The following TENM2 variants were observed in gnomAD, a reference collection of about 807,000 sequenced individuals.
TENM2 encodes the protein teneurin-2.
In TENM2, 52 loss-of-function variants were observed where a neutral mutation model predicts 245.2. That is an observed-to-expected ratio of 0.21 (90% CI 0.17 to 0.27). TENM2 has a LOEUF of 0.27. Ranked by LOEUF, TENM2 falls within the 10% of genes least tolerant of loss-of-function variation. The pLI, the probability that TENM2 is intolerant of heterozygous loss-of-function variation, is 1.00. For missense variants in TENM2, 3,046 were observed against 3,666.8 expected (o/e 0.83, Z 4.37); for synonymous variants, 1,363 against 1,438.9 (o/e 0.95, Z 1.19).
intron 1 of TENM2, among the ~76,000 whole-genome samples, chr5:167,314,004 T>C (rs534161072): frequency 1.0e-3 from 158 of 152,308 alleles, no homozygotes; most frequent in African/African-American, 3.6e-3. Context: ...TACCGGATTA[T>C]GTCATCCCCC....
At position 167,653,106 on chromosome 5, in the gene TENM2, C is replaced by T. The variant is rs960914543; in HGVS notation, c.503-222880C>T. 3.9e-5 allele frequency: 6 copies of T among 152,002 alleles called. No homozygotes were observed. In the East Asian group the frequency reaches 9.6e-4, roughly 24 times the overall value. The allele number at this position is 152,002 out of a possible 1,614,324, so 9.4% of individuals were successfully genotyped here. A position where few individuals can be genotyped will look rare whatever the true frequency, so the allele number is the denominator to read the frequency against. ...ACATCCTAGTGGTATGCTAACAATA[C>T]AAACGTGAAACTTCGCAAAATAGAA... On this transcript the variant is annotated intron_variant, in intron 2 of 28. Coordinates refer to ENST00000518659, the Ensembl canonical transcript of TENM2.
At chr5:167,609,519 C>CAAAAAAAAAAAAAAAAT (rs1171421408) in intron 2 of TENM2, among the ~76,000 whole-genome samples, 10 of 128,984 alleles carry the variant, frequency 7.8e-5, no homozygotes, top group African/African-American at 2.5e-4. Flanking sequence ...AAAACAAAAC[C>CAAAAAAAAAAAAAAAAT]TTACCTAGAA....
chr5:167,575,129 AAAAC>A (rs1774554417), intron 2 of TENM2, among the ~76,000 whole-genome samples: 2 of 151,420 alleles, frequency 1.3e-5, no homozygotes, highest in African/African-American at 4.8e-5. Flanking sequence ...AAAAAAAAAA[AAAAC>A]AACCCAAACC....
chr5:168,103,550 A>C (rs1581312712), intron 9 of TENM2, among the ~76,000 whole-genome samples: 1 of 151,974 alleles, frequency 6.6e-6, no homozygotes, highest in East Asian at 1.9e-4. Context: ...TATTTTGTGG[A>C]GTGTCTCTCG....
At position 167,733,288 on chromosome 5, in the gene TENM2, T is replaced by A. The variant is rs7737589; in HGVS notation, c.503-142698T>A. Among the ~76,000 whole-genome samples, 984 of 152,300 alleles carry A rather than the reference T, an allele frequency of 6.5e-3. 9 individuals are homozygous for A. Among genetic ancestry groups the A allele is most frequent in the African/African-American group, 0.023 (937 of 41,558 alleles). ...TAGTTCTGACAGAATGTCTAGTCAG[T>A]GCTGTGTCAGTAAATGGTTAATAAC... On this transcript the variant is annotated intron_variant, in intron 2 of 28. Coordinates refer to ENST00000518659, the Ensembl canonical transcript of TENM2.
chr5:167,629,897 G>T (rs369233132), intron 2 of TENM2, among the ~76,000 whole-genome samples: 1 of 151,730 alleles, frequency 6.6e-6, no homozygotes, highest in African/African-American at 2.4e-5. Context: ...AGGAGGAGGA[G>T]GGGGGAAAGA....
At chr5:167,922,995 C>T (rs1407811406) in intron 3 of TENM2, among the ~76,000 whole-genome samples, 2 of 152,214 alleles carry the variant, frequency 1.3e-5, no homozygotes, top group African/African-American at 4.8e-5. Context: ...AGTTTAGATG[C>T]TTCCCCCCAG....
chr5:167,994,932 G>A (rs1009760292), intron 5 of TENM2, among the ~76,000 whole-genome samples: 1 of 152,182 alleles, frequency 6.6e-6, no homozygotes, highest in African/African-American at 2.4e-5. Flanking sequence ...TTCTGCAGGT[G>A]GCTGTTCAGG....
At position 168,218,779 on chromosome 5, in the gene TENM2, G is replaced by T; in HGVS notation, c.4888G>T (p.Asp1630Tyr). 6.2e-7 allele frequency: 1 copy of T among 1,614,020 alleles called. No individual in the cohort carries two copies. Among genetic ancestry groups the T allele is most frequent in the Non-Finnish European group, 8.5e-7 (1 of 1,179,886 alleles). ...TGACAATGATGTCACTGAATTGATT[G>T]ACAATAATGGGAATTCCCTGAAGAT... The change falls in exon 23 of 29, where the codon GAC (aspartate) becomes TAC (tyrosine). Residue 1630 changes from aspartate to tyrosine, a missense_variant. Around this residue, in one of 2 missense-constraint regions of TENM2, gnomAD observed 2,704 missense variants for 3,331.9 expected, o/e 0.81. Coordinates refer to ENST00000518659, the Ensembl canonical transcript of TENM2. This position sits in a 1 kb window ranked among gnomAD's most constrained non-coding sequence, Gnocchi z 5.2.
intron 2 of TENM2, among the ~76,000 whole-genome samples, chr5:167,793,633 G>A (rs913732185): frequency 6.6e-6 from 1 of 151,770 alleles, no homozygotes; most frequent in African/African-American, 2.4e-5. Context: ...CCAGGAGTTC[G>A]AGACCAGCCT....
intron 5 of TENM2, among the ~76,000 whole-genome samples, chr5:168,015,741 G>T (rs530186399): frequency 6.6e-6 from 1 of 152,010 alleles, no homozygotes; most frequent in South Asian, 2.1e-4. Context: ...GTTTCCTCCC[G>T]TTTTTCTCAT....
intron 2 of TENM2, among the ~76,000 whole-genome samples, chr5:167,745,527 C>T (rs115422317): frequency 0.014 from 2,157 of 152,266 alleles, 43 homozygotes; most frequent in African/African-American, 0.05. Context: ...AAGTATAATT[C>T]ACATACCATA....
intron 2 of TENM2, among the ~76,000 whole-genome samples, chr5:167,828,210 T>A (rs761220882): frequency 2.6e-5 from 4 of 152,188 alleles, no homozygotes; most frequent in African/African-American, 4.8e-5. Context: ...GGGCTTGCCA[T>A]AGGTCCTGCT....
the TENM2 span, among the ~76,000 whole-genome samples, chr5:167,070,133 T>TTATTTATTTATTTATTTA: frequency 6.8e-6 from 1 of 147,792 alleles, no homozygotes; most frequent in African/African-American, 2.5e-5. Context: ...TTATTTATTT[T>TTATTTATTTATTTATTTA]TTGAGACAGA....
the TENM2 span, among the ~76,000 whole-genome samples, chr5:167,021,825 T>C: frequency 6.6e-6 from 1 of 152,214 alleles, no homozygotes; most frequent in African/African-American, 2.4e-5. Context: ...CTAGCTGTGT[T>C]ACCCTAGGGA....
intron 1 of TENM2, among the ~76,000 whole-genome samples, chr5:167,374,887 ATTTTGATACGTTCCGGGT>A (rs1286930083): frequency 6.6e-6 from 1 of 152,206 alleles, no homozygotes; most frequent in African/African-American, 2.4e-5. Context: ...TATATTAGCT[ATTTTGATACGTTCCGGGT>A]TTTTTCAGCT....
At chr5:167,619,123 T>C (rs945355368) in intron 2 of TENM2, among the ~76,000 whole-genome samples, 3 of 152,122 alleles carry the variant, frequency 2.0e-5, no homozygotes, top group African/African-American at 7.2e-5. Flanking sequence ...TACAGAAATA[T>C]AATTTTCCAT....
chr5:168,012,920 T>C (rs770108887), intron 5 of TENM2, among the ~76,000 whole-genome samples: 4 of 151,856 alleles, frequency 2.6e-5, no homozygotes, highest in Non-Finnish European at 5.9e-5. Context: ...GCTCTTCCCA[T>C]CTCCACTTTG....
intron 2 of TENM2, among the ~76,000 whole-genome samples, chr5:167,729,325 A>T (rs1251645803): frequency 6.6e-6 from 1 of 152,192 alleles, no homozygotes; most frequent in Non-Finnish European, 1.5e-5. Context: ...ACAGAGCTAA[A>T]GTTTAGTTTT....
Sources: gnomAD v4.1 joint callset for allele counts (sites outside exome capture counted in the v4.1 genomes callset) on GRCh38, gnomAD v4.1.1 for gene constraint, gnomAD v4.1.1 regional missense constraint, Gnocchi (gnomAD v3.1) non-coding constraint, MANE v1.5 for transcripts, NCBI Gene and HGNC (gene_info 2026-07-23, HGNC 2026-07-21) for gene names.